TGFB2: variants seen among roughly 807,000 people sequenced by gnomAD.
TGFB2 encodes transforming growth factor beta-2 proprotein.
TGFB2 carries 13 observed loss-of-function variants against 42.7 expected under a neutral mutation model. That is an observed-to-expected ratio of 0.30 (90% CI 0.20 to 0.48). The LOEUF (loss-of-function observed/expected upper bound fraction) is 0.48, where lower values mean the gene tolerates loss of function less well. TGFB2 is among the 20% of genes least tolerant of loss of function. The pLI is 0.99. For missense variants in TGFB2, 390 were observed against 517.5 expected (o/e 0.75, Z 2.39); for synonymous variants, 193 against 193.6 (o/e 1.00, Z 0.03).
At chr1:218,413,633 T>C (rs1256006753) in intron 2 of TGFB2, among the ~76,000 whole-genome samples, 3 of 152,196 alleles carry the variant, frequency 2.0e-5, no homozygotes, top group Non-Finnish European at 4.4e-5. Flanking sequence ...AACTTTGTGA[T>C]GGTGTAAAAG....
At chr1:218,436,698 G>A (rs559747176) in intron 5 of TGFB2, among the ~76,000 whole-genome samples, 35 of 152,334 alleles carry the variant, frequency 2.3e-4, no homozygotes, top group South Asian at 4.1e-4. Flanking sequence ...GTCTCAGTAA[G>A]AGGAGGGCTC....
Position 218,437,291 on chromosome 1 carries a change from G to A in TGFB2, c.933-52G>A, listed in dbSNP as rs112687121. On this transcript the variant is annotated intron_variant, in intron 5 of 6. Transcript: ENST00000366930. ...GGGGTGAGGTGGTGGTAGAGTGAGG[G>A]TGGTGAATCAGCTTTAAAATCTCCA... 111 of 1,512,934 alleles carry A rather than the reference G, an allele frequency of 7.3e-5. 1 individual carries two copies. The Middle Eastern group carries it at 9.0e-4, about 12-fold the overall frequency. 93.7% of individuals were successfully genotyped at this position (1,512,934 alleles called of 1,614,324 possible).
At chr1:218,431,814 C>A (rs1037961798) in intron 2 of TGFB2, among the ~76,000 whole-genome samples, 2 of 152,160 alleles carry the variant, frequency 1.3e-5, no homozygotes, top group African/African-American at 4.8e-5. Context: ...TATTCCTGTT[C>A]CATAGTAGGT....
chr1:218,398,821 G>A (rs552323231), intron 1 of TGFB2, among the ~76,000 whole-genome samples: 11 of 152,208 alleles, frequency 7.2e-5, no homozygotes, highest in South Asian at 6.2e-4. Flanking sequence ...TCTTGACCTC[G>A]CGATCTGCCT....
At chr1:218,375,804 T>TA (rs1657722748) in intron 1 of TGFB2, among the ~76,000 whole-genome samples, 2 of 152,200 alleles carry the variant, frequency 1.3e-5, no homozygotes, top group Admixed American at 1.3e-4. Flanking sequence ...GAGGAATAGC[T>TA]AATGGATGCT....
chr1:218,434,616 T>C (rs1055320080), intron 4 of TGFB2, among the ~76,000 whole-genome samples, 168 bp downstream of exon 4: 4 of 152,154 alleles, frequency 2.6e-5, no homozygotes, highest in South Asian at 2.1e-4. Flanking sequence ...GGAGAAAGGA[T>C]TGGAAGAACG....
At chr1:218,421,590 C>G (rs534294333) in intron 2 of TGFB2, among the ~76,000 whole-genome samples, 1 of 152,170 alleles carries the variant, frequency 6.6e-6, no homozygotes, top group Admixed American at 6.5e-5. Context: ...GCATTATACT[C>G]CCCACAGTAT....
At chr1:218,413,602 T>A (rs563140081) in intron 2 of TGFB2, among the ~76,000 whole-genome samples, 4 of 152,266 alleles carry the variant, frequency 2.6e-5, no homozygotes, top group African/African-American at 9.6e-5. Context: ...GTACAGATGG[T>A]CCCCTATTTA....
Position 218,441,471 on chromosome 1 carries a change from C to A in TGFB2, c.*109C>A. On this transcript the variant is annotated 3_prime_UTR_variant, in exon 7 of 7. Coordinates refer to ENST00000366930, the MANE Select transcript of TGFB2 (RefSeq NM_003238.6). ...AAAACATAAGAGAGCCTTGGTTCAT[C>A]AGTGTTAAAAAATTTTTGAAAAGGC... 7.8e-7 allele frequency: 1 copy of A among 1,280,314 alleles called. No homozygotes were observed. The highest frequency in any genetic ancestry group is 1.0e-6 in the Non-Finnish European group (1 of 962,474). The allele number at this position is 1,280,314 out of a possible 1,614,324, so 79.3% of individuals were successfully genotyped here. A position where few individuals can be genotyped will look rare whatever the true frequency, so the allele number is the denominator to read the frequency against.
chr1:218,402,643 C>T (rs776684403), intron 1 of TGFB2, among the ~76,000 whole-genome samples: 5 of 152,080 alleles, frequency 3.3e-5, no homozygotes, highest in Non-Finnish European at 7.3e-5. Flanking sequence ...TTGAGGCAGG[C>T]GTGTGTGAAA....
rs545664095 is a variant in TGFB2 at position 218,421,187 on chromosome 1, A to C, written c.511-12895A>C. ...CAGTTCTGATTCTCTATAAAGCTCCACTGGCTATTATTTGGAAATTCTCTT... is the reference window on the plus strand; with the variant it reads ...CAGTTCTGATTCTCTATAAAGCTCCCCTGGCTATTATTTGGAAATTCTCTT... On this transcript the variant is annotated intron_variant, in intron 2 of 6. Coordinates refer to ENST00000366930, the MANE Select transcript of TGFB2 (RefSeq NM_003238.6). Among the ~76,000 whole-genome samples the C allele has an allele frequency of 1.4e-4, 22 of 152,238 alleles. No individual in the cohort carries two copies. The South Asian group carries it at 2.7e-3, about 19-fold the overall frequency.
intron 2 of TGFB2, among the ~76,000 whole-genome samples, chr1:218,407,405 G>A (rs1440303361): frequency 6.6e-6 from 1 of 152,126 alleles, no homozygotes; most frequent in Admixed American, 6.5e-5. Flanking sequence ...TAGTTCACAT[G>A]TGTGTTCATG....
At chr1:218,381,258 G>GTTTTTTTTT (rs11405199) in intron 1 of TGFB2, among the ~76,000 whole-genome samples, 1 of 137,746 alleles carries the variant, frequency 7.3e-6, no homozygotes, top group Non-Finnish European at 1.6e-5. Flanking sequence ...TTTTGTTTTT[G>GTTTTTTTTT]TTTTTTTTTT....
intron 2 of TGFB2, among the ~76,000 whole-genome samples, chr1:218,416,425 C>G (rs1659283205): frequency 6.6e-6 from 1 of 151,968 alleles, no homozygotes; most frequent in Non-Finnish European, 1.5e-5. Flanking sequence ...TTTTGGAACC[C>G]CGTTCTAGAA....
In TGFB2 at chr1:218,435,764, C is replaced by A. The variant is rs10482816; in HGVS notation, c.755-206C>A. Among the ~76,000 whole-genome samples, 1,289 of 152,300 alleles carry A rather than the reference C, an allele frequency of 8.5e-3. 19 individuals carry two copies. The highest frequency in any genetic ancestry group is 0.03 in the African/African-American group (1,230 of 41,540). ...CACCGAACTGCCTTCTGACAAGAGC[C>A]CCATTTAGAAGTGTTAATTGTCACG... On this transcript the variant is annotated intron_variant, in intron 4 of 6. Transcript: ENST00000366930.
chr1:218,347,854 T>A (rs2102528811), intron 1 of TGFB2, among the ~76,000 whole-genome samples: 1 of 152,254 alleles, frequency 6.6e-6, no homozygotes, highest in Middle Eastern at 3.4e-3. Context: ...TACGGGTCTG[T>A]TATCCTGCTC....
Position 218,415,673 on chromosome 1 carries a change from C to T in TGFB2, c.510+10341C>T, listed in dbSNP as rs571581303. The stretch of plus-strand genomic sequence containing the variant: ...CTGTGTCACTGCACTCCAGCCTGGG[C>T]GACAGAGCGAGACTCTGTCTCAAAA... On this transcript the variant is annotated intron_variant, in intron 2 of 6. Coordinates refer to ENST00000366930, the MANE Select transcript of TGFB2 (RefSeq NM_003238.6). 5.0e-3 allele frequency among the ~76,000 whole-genome samples: 591 copies of T among 117,272 alleles called. 11 individuals are homozygous for T. The highest frequency in any genetic ancestry group is 0.02 in the African/African-American group (564 of 28,858). 76.9% of individuals were successfully genotyped at this position (117,272 alleles called of 152,430 possible).
intron 1 of TGFB2, among the ~76,000 whole-genome samples, chr1:218,388,418 G>A (rs1658207921): frequency 6.6e-6 from 1 of 150,964 alleles, no homozygotes; most frequent in African/African-American, 2.5e-5. Flanking sequence ...TTTTGTCTTT[G>A]AAGCTGATGC....
At chr1:218,363,988 AT>A (rs200131437) in intron 1 of TGFB2, among the ~76,000 whole-genome samples, 25 of 151,500 alleles carry the variant, frequency 1.7e-4, no homozygotes, top group Non-Finnish European at 2.4e-4. Flanking sequence ...AAATTATGAG[AT>A]TTTTTTTTGC....
Sources: allele counts gnomAD v4.1 joint callset (sites outside exome capture counted in the v4.1 genomes callset), GRCh38; gene constraint gnomAD v4.1.1; transcripts MANE v1.5; gene names NCBI Gene and HGNC (gene_info 2026-07-23, HGNC 2026-07-21).